Variants in RYR3 observed in about 807,000 individuals in gnomAD.
RYR3 encodes the protein ryanodine receptor 3.
Under a neutral mutation model 584.3 loss-of-function variants are expected in RYR3, and 207 were observed. That is an observed-to-expected ratio of 0.35 (90% CI 0.32 to 0.40). The LOEUF (loss-of-function observed/expected upper bound fraction) is 0.40. Ranked by LOEUF, RYR3 falls within the 10% of genes least tolerant of loss-of-function variation. The pLI, the probability that RYR3 is intolerant of heterozygous loss-of-function variation, is 1.00. For missense variants in RYR3, 5,616 were observed against 6,089.2 expected (o/e 0.92, Z 2.59); for synonymous variants, 2,416 against 2,248.5 (o/e 1.07, Z -2.11).
intron 93 of RYR3, among the ~76,000 whole-genome samples, chr15:33,845,976 C>T (rs536760723): frequency 6.6e-6 from 1 of 152,196 alleles, no homozygotes; most frequent in Non-Finnish European, 1.5e-5. Flanking sequence ...CAGCCATCTG[C>T]GAGCTCAGCT....
At chr15:33,583,265 A>G (rs1328304190) in intron 14 of RYR3, among the ~76,000 whole-genome samples, 3 of 152,218 alleles carry the variant, frequency 2.0e-5, no homozygotes, top group Non-Finnish European at 4.4e-5. Context: ...TAGATATTTT[A>G]TAGTTACATG....
intron 66 of RYR3, among the ~76,000 whole-genome samples, chr15:33,787,984 G>A (rs932036271): frequency 6.6e-6 from 1 of 152,214 alleles, no homozygotes; most frequent in Non-Finnish European, 1.5e-5. Flanking sequence ...GGCTCCTCAT[G>A]GCCTGGAAGA....
intron 9 of RYR3, among the ~76,000 whole-genome samples, chr15:33,549,257 A>G (rs1006847293): frequency 6.6e-6 from 1 of 152,152 alleles, no homozygotes; most frequent in Admixed American, 6.5e-5. Context: ...TAAGAGGTCA[A>G]AATAAGTATG....
chr15:33,849,195 T>C (rs16958147), intron 94 of RYR3: 5,136 of 152,176 alleles, frequency 0.034, 217 homozygotes, highest in East Asian at 0.23. Flanking sequence ...TAACGTAAGA[T>C]TGAGAGGCAA....
intron 1 of RYR3, among the ~76,000 whole-genome samples, chr15:33,378,193 C>T (rs1036356498): frequency 2.0e-5 from 3 of 152,234 alleles, no homozygotes; most frequent in African/African-American, 7.2e-5. Context: ...GGCCCATAGG[C>T]ATTACTTTGA....
At chr15:33,509,993 T>C (rs892802386) in intron 3 of RYR3, among the ~76,000 whole-genome samples, 1 of 152,252 alleles carries the variant, frequency 6.6e-6, no homozygotes, top group Non-Finnish European at 1.5e-5. Context: ...CTTTCCCTTT[T>C]TAAATCTATG....
At chr15:33,509,230 A>G (rs1164176592) in intron 3 of RYR3, among the ~76,000 whole-genome samples, 1 of 152,254 alleles carries the variant, frequency 6.6e-6, no homozygotes, top group Non-Finnish European at 1.5e-5. Flanking sequence ...CCTTGTTTAA[A>G]GTCTGAACTG....
At chr15:33,380,022 A>G (rs991151399) in intron 1 of RYR3, among the ~76,000 whole-genome samples, 12 of 152,140 alleles carry the variant, frequency 7.9e-5, no homozygotes, top group African/African-American at 2.9e-4. Flanking sequence ...AGGTTATCCT[A>G]CCTGCTTTGT....
At chr15:33,405,900 C>T (rs1338648031) in intron 1 of RYR3, among the ~76,000 whole-genome samples, 1 of 152,210 alleles carries the variant, frequency 6.6e-6, no homozygotes, top group Non-Finnish European at 1.5e-5. Flanking sequence ...AAGAGGCCCA[C>T]AGTGGCTGTA....
At chr15:33,662,029 A>G (rs2063195267) in intron 34 of RYR3, 124 bp from the exon 35 acceptor site, 2 of 708,078 alleles carry the variant, frequency 2.8e-6, no homozygotes, top group Non-Finnish European at 4.7e-6. Flanking sequence ...AAGCCATAAG[A>G]GAAACTGTGG....
At chr15:33,455,378 G>T (rs548132469) in intron 1 of RYR3, among the ~76,000 whole-genome samples, 21 of 152,150 alleles carry the variant, frequency 1.4e-4, no homozygotes, top group Admixed American at 3.3e-4. Flanking sequence ...CGTCAACTTG[G>T]ATGGAGTCAC....
intron 53 of RYR3, among the ~76,000 whole-genome samples, chr15:33,746,485 C>G (rs547353914): frequency 6.6e-6 from 1 of 152,142 alleles, no homozygotes. Flanking sequence ...AGGGAGAAGG[C>G]ACGGTGAAAT....
rs2052207586 is a variant in RYR3, at chr15:33,503,687, C to T, written c.228C>T (p.Val76=). The T allele has an allele frequency of 1.9e-6, 3 of 1,613,178 alleles. No homozygotes were observed. Among genetic ancestry groups the T allele is most frequent in the Admixed American group, 1.7e-5 (1 of 59,934 alleles). Reference sequence around the variant, plus strand: ...TTGTGCTGGAACAGTCCCTATCTGTCAGAGCCCTGCAGGAAATGCTTGCCA... The same window carrying T: ...TTGTGCTGGAACAGTCCCTATCTGTTAGAGCCCTGCAGGAAATGCTTGCCA... ...CNFVLEQSLS[V]RALQEMLANT... Residue 76 remains valine, a synonymous_variant, in exon 3 of 104, where the codon GTC becomes GTT. Coordinates refer to ENST00000634891, the MANE Select transcript of RYR3 (RefSeq NM_001036.6).
At chr15:33,730,928 G>A (rs1261895244) in intron 47 of RYR3, among the ~76,000 whole-genome samples, 2 of 152,190 alleles carry the variant, frequency 1.3e-5, no homozygotes, top group African/African-American at 4.8e-5. Flanking sequence ...TGCTCGAAGT[G>A]CTCACCAATT....
chr15:33,799,931 G>A (rs79609760), intron 67 of RYR3, among the ~76,000 whole-genome samples: 4 of 74,658 alleles, frequency 5.4e-5, no homozygotes, highest in Middle Eastern at 6.3e-3. Flanking sequence ...AACAGTGGGG[G>A]TTTTTTGTTT....
At chr15:33,479,644 T>C (rs571152905) in intron 2 of RYR3, among the ~76,000 whole-genome samples, 76 of 152,294 alleles carry the variant, frequency 5.0e-4, no homozygotes, top group Admixed American at 4.3e-3. Flanking sequence ...CTGAGTTAAG[T>C]GACTTCATGA....
intron 38 of RYR3, among the ~76,000 whole-genome samples, chr15:33,682,313 A>T (rs1248225492): frequency 1.3e-5 from 2 of 152,140 alleles, no homozygotes; most frequent in African/African-American, 2.4e-5. Flanking sequence ...CTTTGTTATT[A>T]TGTAAAAGGT....
At chr15:33,655,051 G>C (rs2062743707) in intron 32 of RYR3, among the ~76,000 whole-genome samples, 1 of 152,224 alleles carries the variant, frequency 6.6e-6, no homozygotes, top group Admixed American at 6.5e-5. Flanking sequence ...TGTCTCTCCA[G>C]CACCTCCTGC....
intron 93 of RYR3, 83 bp downstream of exon 93, chr15:33,845,145 A>G: frequency 7.0e-7 from 1 of 1,433,664 alleles, no homozygotes; most frequent in South Asian, 1.2e-5. Flanking sequence ...CTTTGCTCTA[A>G]GACTTTGCTA....
Sources: allele counts gnomAD v4.1 joint callset (sites outside exome capture counted in the v4.1 genomes callset), GRCh38; gene constraint gnomAD v4.1.1; transcripts MANE v1.5; gene names NCBI Gene and HGNC (gene_info 2026-07-23, HGNC 2026-07-21).